The following ANK2 variants were observed in gnomAD, a reference collection of about 807,000 sequenced individuals.
ANK2 encodes ankyrin-2.
Under a neutral mutation model 360.5 loss-of-function variants are expected in ANK2, and 83 were observed. That is an observed-to-expected ratio of 0.23 (90% CI 0.19 to 0.28). The LOEUF (loss-of-function observed/expected upper bound fraction) is 0.28. Ranked by LOEUF, ANK2 falls within the 10% of genes least tolerant of loss-of-function variation. ANK2 has a pLI of 1.00. For synonymous variants in ANK2, 1,740 were observed against 1,759.5 expected, an observed-to-expected ratio of 0.99 and a Z score of 0.28; for missense variants, 4,201 against 4,795.7, an observed-to-expected ratio of 0.88 and a Z score of 3.66.
chr4:112,945,524 G>A (rs767712769), intron 2 of ANK2, among the ~76,000 whole-genome samples: 2 of 152,110 alleles, frequency 1.3e-5, no homozygotes, highest in Admixed American at 1.3e-4. Flanking sequence ...TCTAAGAAGC[G>A]GACTTGGGAA....
chr4:112,754,115 A>AG, the ANK2 span, among the ~76,000 whole-genome samples: 1 of 11,756 alleles, frequency 8.5e-5, no homozygotes, highest in African/African-American at 5.8e-4. Context: ...AAAAAAGTAT[A>AG]TATATATATA....
chr4:113,318,375 G>A, intron 25 of ANK2, 142 bp from the exon 26 acceptor site: 1 of 678,002 alleles, frequency 1.5e-6, no homozygotes, highest in Non-Finnish European at 2.6e-6. Flanking sequence ...AAGATTCATT[G>A]TAAATACATT....
chr4:113,036,049 A>AC (rs1274958404), intron 2 of ANK2, among the ~76,000 whole-genome samples: 3 of 151,954 alleles, frequency 2.0e-5, no homozygotes, highest in Non-Finnish European at 4.4e-5. Flanking sequence ...GACCTTGAGA[A>AC]AATTAGTTTC....
At chr4:113,332,919 C>A in intron 28 of ANK2, 135 bp from the exon 29 acceptor site, 1 of 1,297,278 alleles carries the variant, frequency 7.7e-7, no homozygotes, top group Non-Finnish European at 1.1e-6. Context: ...AGCCAGTGGG[C>A]TCCAGGGGAT....
At position 112,843,990 on chromosome 4, in the gene ANK2, T is replaced by C. The variant is rs190623531; in HGVS notation, c.-40+25726T>C. Among the ~76,000 whole-genome samples the C allele has an allele frequency of 3.2e-4, 48 of 152,314 alleles. 1 individual carries two copies. In the East Asian group the frequency reaches 7.1e-3, roughly 23 times the overall value. Reference sequence around the variant, plus strand: ...AATAAGTATTTAGAATAATATTATATGCATACAACAATTTTGTGCTAGACA... The same window carrying C: ...AATAAGTATTTAGAATAATATTATACGCATACAACAATTTTGTGCTAGACA... On this transcript the variant is annotated intron_variant, in intron 1 of 30. Coordinates refer to the ANK2 transcript ENST00000503271.
chr4:113,206,833 G>A (rs1052063541), intron 4 of ANK2, among the ~76,000 whole-genome samples: 2 of 152,182 alleles, frequency 1.3e-5, no homozygotes, highest in Admixed American at 1.3e-4. Flanking sequence ...AGACCAGCCT[G>A]ACCAACATGG....
At chr4:113,065,831 A>G (rs1027337865) in intron 1 of ANK2, among the ~76,000 whole-genome samples, 1 of 152,194 alleles carries the variant, frequency 6.6e-6, no homozygotes, top group Non-Finnish European at 1.5e-5. Flanking sequence ...TAATTTCCCA[A>G]TATTTACTAA....
At chr4:113,098,318 C>A (rs1243708191) in intron 1 of ANK2, among the ~76,000 whole-genome samples, 2 of 151,614 alleles carry the variant, frequency 1.3e-5, no homozygotes, top group Non-Finnish European at 3.0e-5. Flanking sequence ...GTCAAACTAA[C>A]AAAGAAAAGA....
chr4:112,741,840 A>G, the ANK2 span, among the ~76,000 whole-genome samples: 1 of 152,148 alleles, frequency 6.6e-6, no homozygotes. Context: ...CAAACAAACA[A>G]ACAAGCACAA....
the ANK2 span, among the ~76,000 whole-genome samples, chr4:112,807,679 G>T: frequency 3.9e-5 from 6 of 152,268 alleles, no homozygotes; most frequent in Non-Finnish European, 8.8e-5. Context: ...AAGAGCGAAT[G>T]AGATCAAAGA....
At chr4:112,899,950 C>T (rs1178220454) in intron 1 of ANK2, among the ~76,000 whole-genome samples, 2 of 152,108 alleles carry the variant, frequency 1.3e-5, no homozygotes, top group Non-Finnish European at 2.9e-5. Context: ...GGGAGGTCAT[C>T]TCTCCATATA....
chr4:113,326,783 C>A (rs1232788132), intron 26 of ANK2, among the ~76,000 whole-genome samples: 1 of 152,126 alleles, frequency 6.6e-6, no homozygotes, highest in East Asian at 1.9e-4. Context: ...AGGAGGATTG[C>A]TTGAGCCTAG....
At chr4:113,123,012 G>A (rs1471589484) in intron 1 of ANK2, among the ~76,000 whole-genome samples, 3 of 151,464 alleles carry the variant, frequency 2.0e-5, no homozygotes, top group African/African-American at 4.8e-5. Flanking sequence ...TGCAATTGTG[G>A]CAAAAATAGT....
At chr4:112,736,307 C>A in the ANK2 span, among the ~76,000 whole-genome samples, 1 of 151,834 alleles carries the variant, frequency 6.6e-6, no homozygotes, top group Admixed American at 6.6e-5. Context: ...TACTAATATA[C>A]AAAAAATTAG....
At chr4:112,903,895 A>C (rs996012439) in intron 1 of ANK2, among the ~76,000 whole-genome samples, 1 of 152,194 alleles carries the variant, frequency 6.6e-6, no homozygotes, top group Non-Finnish European at 1.5e-5. Context: ...CTATTTTACC[A>C]TGTGTCATGA....
chr4:112,844,175 C>T (rs745387706), intron 1 of ANK2, among the ~76,000 whole-genome samples: 10 of 152,084 alleles, frequency 6.6e-5, no homozygotes, highest in Admixed American at 2.6e-4. Context: ...GTAAAGTGGT[C>T]GAGAATGGTA....
At chr4:113,329,148 C>T (rs774813644) in intron 26 of ANK2, among the ~76,000 whole-genome samples, 26 of 152,282 alleles carry the variant, frequency 1.7e-4, no homozygotes, top group Middle Eastern at 3.4e-3. Flanking sequence ...TCTTTGTATA[C>T]GTATACACAA....
chr4:113,364,498 A>G (rs1488403300), intron 40 of ANK2, among the ~76,000 whole-genome samples: 2 of 152,226 alleles, frequency 1.3e-5, no homozygotes, highest in Non-Finnish European at 2.9e-5. Flanking sequence ...TCAAACCCTA[A>G]TATTTTTAAA....
chr4:113,038,639 A>T (rs920273774), intron 2 of ANK2, among the ~76,000 whole-genome samples: 1 of 151,960 alleles, frequency 6.6e-6, no homozygotes, highest in Non-Finnish European at 1.5e-5. Context: ...TCACCCCTTG[A>T]ATCTGGAAGG....
Sources: gnomAD v4.1 joint callset for allele counts (sites outside exome capture counted in the v4.1 genomes callset) on GRCh38, gnomAD v4.1.1 for gene constraint, MANE v1.5 for transcripts, NCBI Gene and HGNC (gene_info 2026-07-23, HGNC 2026-07-21) for gene names.